AUTS2: variants seen among roughly 807,000 people sequenced by gnomAD.
AUTS2 encodes the protein activator of transcription and developmental regulator AUTS2.
AUTS2 carries 17 observed loss-of-function variants against 112.4 expected under a neutral mutation model. The ratio of observed to expected loss-of-function variants is 0.15; its 90% CI spans 0.10 to 0.23. AUTS2 has a LOEUF of 0.23. Among genes scored for constraint, AUTS2 ranks in the 10% least tolerant of loss-of-function variants. The pLI is 1.00. For synonymous variants in AUTS2, 751 were observed against 702.7 expected, an observed-to-expected ratio of 1.07 and a Z score of -1.09; for missense variants, 1,510 against 1,701.6, an observed-to-expected ratio of 0.89 and a Z score of 1.98.
chr7:69,659,069 A>C (rs149552530), intron 1 of AUTS2, among the ~76,000 whole-genome samples: 6 of 152,376 alleles, frequency 3.9e-5, no homozygotes, highest in African/African-American at 1.4e-4. Flanking sequence ...GGTGACCTTG[A>C]AATCTGGCTT....
chr7:70,300,305 G>C (rs537506668), intron 4 of AUTS2, among the ~76,000 whole-genome samples: 52 of 152,246 alleles, frequency 3.4e-4, no homozygotes, highest in African/African-American at 1.2e-3. Context: ...AATTTGTTGG[G>C]CCACATTCAG....
intron 1 of AUTS2, among the ~76,000 whole-genome samples, chr7:69,618,503 C>T (rs896392413): frequency 2.0e-5 from 3 of 152,154 alleles, no homozygotes; most frequent in Non-Finnish European, 1.5e-5. Context: ...TTCAAGTCAG[C>T]GGACCCAGTT....
chr7:70,089,957 G>A (rs12698849), intron 2 of AUTS2, among the ~76,000 whole-genome samples: 51,457 of 151,358 alleles, frequency 0.34, 8,956 homozygotes, highest in African/African-American at 0.39. Flanking sequence ...CAGTGAGCCA[G>A]GATCGTGCCA....
chr7:70,134,388 A>T, intron 3 of AUTS2, 148 bp from the exon 4 acceptor site: 1 of 666,086 alleles, frequency 1.5e-6, no homozygotes, highest in South Asian at 1.9e-5. Context: ...CGGTGTTTGT[A>T]TCAGTAGCAG....
chr7:70,625,953 C>G (rs1184366383), intron 5 of AUTS2, among the ~76,000 whole-genome samples: 2 of 152,152 alleles, frequency 1.3e-5, no homozygotes, highest in East Asian at 1.9e-4. Flanking sequence ...TGCTCTGTCA[C>G]CTAGGCTGGA....
chr7:69,766,098 C>T (rs1481598614), intron 1 of AUTS2, among the ~76,000 whole-genome samples: 2 of 152,180 alleles, frequency 1.3e-5, no homozygotes, highest in Non-Finnish European at 2.9e-5. Context: ...TAAATAACAA[C>T]CGCCCATTCT....
At chr7:70,183,833 CTTTTTTTT>C (rs60689973) in intron 4 of AUTS2, among the ~76,000 whole-genome samples, 1 of 137,954 alleles carries the variant, frequency 7.2e-6, no homozygotes, top group South Asian at 2.3e-4. Flanking sequence ...CTGTCTTTTT[CTTTTTTTT>C]TTTTTTTTGT....
rs2129172199 is a variant in AUTS2, at chr7:69,685,081, A to T, written c.309+85119A>T. On this transcript the variant is annotated intron_variant, in intron 1 of 18. Transcript: ENST00000342771. Reference sequence around the variant, plus strand: ...CGCTTCTGGGCTGAAAGATATACTCAGTAGCCTGGCTTTTAAGGGAGGGCC... The same window carrying T: ...CGCTTCTGGGCTGAAAGATATACTCTGTAGCCTGGCTTTTAAGGGAGGGCC... Among the ~76,000 whole-genome samples, 2 of 152,340 alleles carry T rather than the reference A, an allele frequency of 1.3e-5. 1 individual carries two copies. The highest frequency in any genetic ancestry group is 1.3e-4 in the Admixed American group (2 of 15,302).
chr7:70,084,161 G>A (rs1251083156), intron 2 of AUTS2, among the ~76,000 whole-genome samples: 4 of 152,058 alleles, frequency 2.6e-5, no homozygotes, highest in African/African-American at 4.8e-5. Context: ...CATATAAATG[G>A]CATTACATAG....
At chr7:70,303,434 G>GCGCGCGCACACA (rs1241517255) in intron 4 of AUTS2, among the ~76,000 whole-genome samples, 84 of 142,052 alleles carry the variant, frequency 5.9e-4, no homozygotes, top group African/African-American at 1.5e-3. Context: ...GCGCGCGCGC[G>GCGCGCGCACACA]CACATACACA....
intron 4 of AUTS2, among the ~76,000 whole-genome samples, chr7:70,294,978 A>G (rs1199334602): frequency 6.6e-6 from 1 of 152,208 alleles, no homozygotes; most frequent in African/African-American, 2.4e-5. Flanking sequence ...TAAATTTACT[A>G]GGCTACTCAC....
At chr7:69,712,063 C>G (rs1798351797) in intron 1 of AUTS2, among the ~76,000 whole-genome samples, 1 of 152,132 alleles carries the variant, frequency 6.6e-6, no homozygotes, top group African/African-American at 2.4e-5. Flanking sequence ...GTATAATACT[C>G]CTTCTTTGTG....
intron 1 of AUTS2, among the ~76,000 whole-genome samples, chr7:69,866,655 A>G (rs1339275651): frequency 6.6e-6 from 1 of 152,144 alleles, no homozygotes; most frequent in African/African-American, 2.4e-5. Flanking sequence ...CTGGAATACA[A>G]TTTTTAGGTC....
At chr7:70,656,389 A>G (rs1385774195) in intron 5 of AUTS2, among the ~76,000 whole-genome samples, 3 of 152,122 alleles carry the variant, frequency 2.0e-5, no homozygotes, top group Non-Finnish European at 1.5e-5. Flanking sequence ...TCCATGGTCT[A>G]AACTATTGGC....
chr7:70,592,170 T>C (rs1047536918), intron 5 of AUTS2, among the ~76,000 whole-genome samples: 3 of 152,170 alleles, frequency 2.0e-5, no homozygotes, highest in Non-Finnish European at 4.4e-5. Context: ...CATATTTGTA[T>C]GTTTTTTCAG....
intron 5 of AUTS2, among the ~76,000 whole-genome samples, chr7:70,683,382 T>G (rs1469146812): frequency 6.6e-6 from 1 of 152,226 alleles, no homozygotes; most frequent in East Asian, 1.9e-4. Flanking sequence ...CTCTTACATG[T>G]GATGCATGAG....
intron 4 of AUTS2, among the ~76,000 whole-genome samples, chr7:70,230,149 T>G (rs1264207661): frequency 6.6e-6 from 1 of 152,228 alleles, no homozygotes; most frequent in Non-Finnish European, 1.5e-5. Flanking sequence ...ATATTTTTGC[T>G]GAAAACTGAA....
chr7:70,648,271 C>T (rs1806285684), intron 5 of AUTS2, among the ~76,000 whole-genome samples: 1 of 152,148 alleles, frequency 6.6e-6, no homozygotes, highest in South Asian at 2.1e-4. Context: ...CCACAGTTTC[C>T]TGCATTCTGT....
At chr7:69,908,707 C>T (rs2129541570) in intron 2 of AUTS2, among the ~76,000 whole-genome samples, 1 of 152,334 alleles carries the variant, frequency 6.6e-6, no homozygotes, top group Non-Finnish European at 1.5e-5. Context: ...CCTGCATTTG[C>T]TCAGGAAGTG....
Sources: allele counts gnomAD v4.1 joint callset (sites outside exome capture counted in the v4.1 genomes callset), GRCh38; gene constraint gnomAD v4.1.1; transcripts MANE v1.5; gene names NCBI Gene and HGNC (gene_info 2026-07-23, HGNC 2026-07-21).